Variants in SETD3 observed in about 807,000 individuals in gnomAD.
SETD3 encodes the protein SET domain containing 3, actin N3(tau)-histidine methyltransferase.
In SETD3, 19 loss-of-function variants were observed where a neutral mutation model predicts 63.0. The observed-to-expected ratio is 0.30, with a 90% CI of 0.21 to 0.44. The LOEUF is 0.44. Among genes scored for constraint, SETD3 ranks in the 20% least tolerant of loss-of-function variants. The pLI, the probability that SETD3 is intolerant of heterozygous loss-of-function variation, is 1.00. For missense variants in SETD3, 587 were observed against 728.5 expected (o/e 0.81, Z 2.24); for synonymous variants, 286 against 264.1 (o/e 1.08, Z -0.80).
chr14:99,406,994 A>G (rs1891718169), intron 8 of SETD3, among the ~76,000 whole-genome samples: 1 of 152,196 alleles, frequency 6.6e-6, no homozygotes, highest in Non-Finnish European at 1.5e-5. Flanking sequence ...ATTCATTTGC[A>G]AGTATTATCT....
In SETD3 at chr14:99,405,336, C is replaced by T. The variant is rs762325441; in HGVS notation, c.960G>A (p.Glu320=). The T allele has an allele frequency of 6.2e-7, 1 of 1,613,244 alleles. No homozygotes were observed. Among genetic ancestry groups the T allele is most frequent in the Non-Finnish European group, 8.5e-7 (1 of 1,179,798 alleles). Residue 320 remains glutamate (E), a synonymous_variant, in exon 10 of 13, where the codon GAG becomes GAA. Transcript: ENST00000331768. The part of the protein sequence containing the change: ...YIFYGTRSNA[E]FVIHSGFFFD... The stretch of plus-strand genomic sequence containing the variant: ...AGAAAAAACCACTGTGGATCACAAA[C>T]TCTGCGTTGGATCGAGTGCCATAAA...
At chr14:99,410,581 C>T (rs1352543991) in intron 8 of SETD3, among the ~76,000 whole-genome samples, 3 of 152,172 alleles carry the variant, frequency 2.0e-5, no homozygotes, top group Non-Finnish European at 4.4e-5. Context: ...CAAAGGAAAC[C>T]TGCTGCTTAC....
At chr14:99,447,795 A>G (rs1386389791) in intron 6 of SETD3, among the ~76,000 whole-genome samples, 3 of 152,192 alleles carry the variant, frequency 2.0e-5, no homozygotes, top group African/African-American at 4.8e-5. Flanking sequence ...AGCTTGGGGG[A>G]AAAAAAGCAA....
intron 12 of SETD3, 55 bp downstream of exon 12, chr14:99,400,044 T>A (rs1891305485): frequency 6.7e-7 from 1 of 1,502,390 alleles, no homozygotes; most frequent in Admixed American, 2.0e-5. Flanking sequence ...CCAAGCCTCA[T>A]TAAACATCTT....
chr14:99,459,300 C>A, intron 4 of SETD3, 115 bp from the exon 5 acceptor site: 1 of 592,604 alleles, frequency 1.7e-6, no homozygotes, highest in Non-Finnish European at 3.0e-6. Flanking sequence ...GGCTGCATAT[C>A]AGCACTTCAA....
At chr14:99,452,788 A>G (rs1183131908) in intron 6 of SETD3, among the ~76,000 whole-genome samples, 2 of 152,242 alleles carry the variant, frequency 1.3e-5, no homozygotes, top group Non-Finnish European at 2.9e-5. Context: ...CTCCCAAAGT[A>G]CCCAGAGACA....
chr14:99,480,286 A>AGAGCC (rs1415034084), intron 1 of SETD3, among the ~76,000 whole-genome samples: 1 of 151,924 alleles, frequency 6.6e-6, no homozygotes, highest in African/African-American at 2.4e-5. Context: ...GGCCGCGCGC[A>AGAGCC]GAGCCGAGCC....
At chr14:99,423,959 C>CT (rs756328600) in intron 6 of SETD3, among the ~76,000 whole-genome samples, 153 of 143,364 alleles carry the variant, frequency 1.1e-3, no homozygotes, top group Middle Eastern at 3.6e-3. Flanking sequence ...ATTTCACTCT[C>CT]TTTTTTTTTT....
rs761197619 is a variant in SETD3 at position 99,398,912 on chromosome 14, T to C, written c.1552A>G (p.Arg518Gly). 3 of 1,613,944 alleles carry C rather than the reference T, an allele frequency of 1.9e-6. No individual in the cohort carries two copies. The highest frequency in any genetic ancestry group is 3.3e-5 in the Admixed American group (2 of 60,000). Residue 518 changes from arginine (R) to glycine (G), a missense_variant, in exon 13 of 13, where the codon AGG (arginine) becomes GGG (glycine). Arg to Gly is a moderately radical substitution (Grantham distance 125). Transcript: ENST00000331768. Reference sequence around the variant, plus strand: ...AGGTTTCTCAAGACCAGGGGGAGCCTCGAGTCCCCCACGCTGCTCTCCAAC... The same window carrying C: ...AGGTTTCTCAAGACCAGGGGGAGCCCCGAGTCCCCCACGCTGCTCTCCAAC... ...GLLESSVGDS[R>G]LPLVLRNLEE...
At chr14:99,481,959 G>A (rs1352799087), upstream of SETD3, among the ~76,000 whole-genome samples, 3 of 152,234 alleles carry the variant, frequency 2.0e-5, no homozygotes, top group African/African-American at 7.2e-5. Flanking sequence ...GTGCGGCTAA[G>A]ATGAGGAAAA....
At chr14:99,433,325 C>A (rs1325976330) in intron 6 of SETD3, among the ~76,000 whole-genome samples, 1 of 152,124 alleles carries the variant, frequency 6.6e-6, no homozygotes, top group Non-Finnish European at 1.5e-5. Context: ...CCCCAAAATA[C>A]ACACTGGATT....
chr14:99,398,455 T>C lies in SETD3; in HGVS notation c.*224A>G. 1.9e-6 allele frequency: 1 copy of C among 533,666 alleles called. No individual in the cohort carries two copies. Among genetic ancestry groups the C allele is most frequent in the Non-Finnish European group, 3.3e-6 (1 of 302,994 alleles). The allele number at this position is 533,666 out of a possible 1,614,324, so 33.1% of individuals were successfully genotyped here. A position where few individuals can be genotyped will look rare whatever the true frequency, so the allele number is the denominator to read the frequency against. ...GCACCTCTTCTCCCTTTCTTGTGGT[T>C]GTTTGTTAATTGGTTTGTTTTGCCT... On this transcript the variant is annotated 3_prime_UTR_variant, in exon 13 of 13. Transcript: ENST00000331768.
chr14:99,458,662 G>T, intron 5 of SETD3, 127 bp from the exon 6 acceptor site: 1 of 1,200,866 alleles, frequency 8.3e-7, no homozygotes, highest in Non-Finnish European at 1.1e-6. Context: ...TACAGGCTGG[G>T]CGCAGTGGCT....
At chr14:99,477,787 T>C (rs1318759372) in intron 1 of SETD3, among the ~76,000 whole-genome samples, 3 of 148,840 alleles carry the variant, frequency 2.0e-5, no homozygotes, top group African/African-American at 2.5e-5. Context: ...TTCTTTGTAA[T>C]AGGAAAATAT....
chr14:99,399,628 C>T (rs1179639970), intron 12 of SETD3, among the ~76,000 whole-genome samples: 2 of 151,632 alleles, frequency 1.3e-5, no homozygotes, highest in Non-Finnish European at 2.9e-5. Context: ...AATGTATCTT[C>T]TAATAAACAA....
At chr14:99,467,824 T>C (rs1884526) in intron 1 of SETD3, among the ~76,000 whole-genome samples, 76,318 of 151,912 alleles carry the variant, frequency 0.5, 19,729 homozygotes, top group Non-Finnish European at 0.58. Flanking sequence ...CACCAACAGC[T>C]ACAAAACAGG....
At chr14:99,456,256 A>G (rs117029825) in intron 6 of SETD3, among the ~76,000 whole-genome samples, 2,417 of 152,358 alleles carry the variant, frequency 0.016, 35 homozygotes, top group Non-Finnish European at 0.022. Context: ...AAAAGTAACC[A>G]GTTTGATTTC....
At position 99,398,667 on chromosome 14, in the gene SETD3, C is replaced by T; in HGVS notation, c.*12G>A. 1.2e-6 allele frequency: 2 copies of T among 1,608,584 alleles called. No homozygotes were observed. The highest frequency in any genetic ancestry group is 4.5e-5 in the East Asian group (2 of 44,780). On this transcript the variant is annotated 3_prime_UTR_variant, in exon 13 of 13. Coordinates refer to ENST00000331768, the MANE Select transcript of SETD3 (RefSeq NM_032233.3). ...CTGCTCCACTGGATCCCCCATCCAG[C>T]TTCACCTCGAGCTACTCCTTAACTC...
intron 6 of SETD3, among the ~76,000 whole-genome samples, chr14:99,423,788 G>A (rs1892725886): frequency 1.3e-5 from 2 of 152,106 alleles, no homozygotes; most frequent in African/African-American, 4.8e-5. Flanking sequence ...CACACAGAGT[G>A]CACCCACCTG....
Sources: gnomAD v4.1 joint callset for allele counts (sites outside exome capture counted in the v4.1 genomes callset) on GRCh38, gnomAD v4.1.1 for gene constraint, MANE v1.5 for transcripts, NCBI Gene and HGNC (gene_info 2026-07-23, HGNC 2026-07-21) for gene names.